Variants in PKHD1 observed in about 807,000 individuals in gnomAD.
PKHD1 encodes the protein PKHD1 ciliary IPT domain containing fibrocystin/polyductin, also known as fibrocystin.
Under a neutral mutation model 412.0 loss-of-function variants are expected in PKHD1, and 291 were observed. The observed-to-expected ratio is 0.71, with a 90% CI of 0.64 to 0.78. The LOEUF (loss-of-function observed/expected upper bound fraction) is 0.78, where lower values mean the gene tolerates loss of function less well. Ranked by LOEUF, PKHD1 falls within the 30% of genes least tolerant of loss-of-function variation. The probability of loss-of-function intolerance (pLI) is 0.00; values close to 1 mark genes in which losing one functional copy is unlikely to be tolerated. For missense variants in PKHD1, 4,825 were observed against 4,950.7 expected, an observed-to-expected ratio of 0.97 and a Z score of 0.76; for synonymous variants, 1,777 against 1,821.5, an observed-to-expected ratio of 0.98 and a Z score of 0.62.
chr6:51,735,801 A>G (rs1783768648), intron 60 of PKHD1, among the ~76,000 whole-genome samples: 1 of 152,000 alleles, frequency 6.6e-6, no homozygotes, highest in Non-Finnish European at 1.5e-5. Flanking sequence ...AGGTGTGGTG[A>G]CATGTGCCTG....
Position 51,828,157 on chromosome 6 carries a change from G to A in PKHD1, c.8302+2704C>T, listed in dbSNP as rs1409539. On this transcript the variant is annotated intron_variant, in intron 52 of 66. Coordinates refer to ENST00000371117, the MANE Select transcript of PKHD1 (RefSeq NM_138694.4). ...TTCAGTATAATATATAGTCTAATTT[G>A]GAGATATCAGAGCAGGTATTGATGG... Among the ~76,000 whole-genome samples the A allele has an allele frequency of 2.8e-3, 425 of 152,098 alleles. 4 individuals carry two copies. The highest frequency in any genetic ancestry group is 9.6e-3 in the African/African-American group (400 of 41,484).
intron 60 of PKHD1, among the ~76,000 whole-genome samples, chr6:51,737,966 C>G (rs1294409957): frequency 6.6e-6 from 1 of 152,068 alleles, no homozygotes; most frequent in Non-Finnish European, 1.5e-5. Flanking sequence ...TAAAAAAATA[C>G]AAATAATCAG....
At chr6:51,753,811 A>G (rs1294970666) in intron 56 of PKHD1, among the ~76,000 whole-genome samples, 2 of 152,196 alleles carry the variant, frequency 1.3e-5, no homozygotes, top group African/African-American at 4.8e-5. Flanking sequence ...GAAAGCGAGA[A>G]GCAGCACCAG....
Position 52,055,721 on chromosome 6 carries a change from C to T in PKHD1, c.1702G>A (p.Val568Ile), listed in dbSNP as rs140256839. Residue 568 changes from valine (V) to isoleucine (I), a missense_variant, in exon 19 of 67, where the codon GTT becomes ATT. Val to Ile is a conservative substitution (Grantham distance 29). Coordinates refer to ENST00000371117, the MANE Select transcript of PKHD1 (RefSeq NM_138694.4). ...GTGAGGTCCCCATCAGAGTTGGAAA[C>T]TTCTGGGCCTGGATGCAGTTCAGAT... ...LRLGFERGPEVSNSDGDLTSG... is the reference protein window; with the variant it reads ...LRLGFERGPEISNSDGDLTSG... 1.2e-6 allele frequency: 2 copies of T among 1,613,898 alleles called. No homozygotes were observed. Among genetic ancestry groups the T allele is most frequent in the East Asian group, 2.2e-5 (1 of 44,878 alleles).
chr6:52,039,376 G>A (rs1344538459), intron 27 of PKHD1, among the ~76,000 whole-genome samples: 1 of 152,192 alleles, frequency 6.6e-6, no homozygotes, highest in Non-Finnish European at 1.5e-5. Context: ...TCTTGTGATA[G>A]TGAGTGAATT....
chr6:51,796,484 G>A (rs1348767464), intron 52 of PKHD1, among the ~76,000 whole-genome samples: 1 of 148,144 alleles, frequency 6.8e-6, no homozygotes, highest in Non-Finnish European at 1.5e-5. Flanking sequence ...GGCTTTTCAT[G>A]TCTCTATGTC....
chr6:52,049,455 A>G (rs931948166), intron 22 of PKHD1, among the ~76,000 whole-genome samples: 2 of 152,238 alleles, frequency 1.3e-5, no homozygotes, highest in Non-Finnish European at 2.9e-5. Flanking sequence ...ATACACATAT[A>G]TACACTGTGA....
chr6:51,939,360 G>A (rs892493701), intron 36 of PKHD1, among the ~76,000 whole-genome samples: 27 of 151,196 alleles, frequency 1.8e-4, no homozygotes, highest in South Asian at 6.2e-4. Flanking sequence ...CCTTCTCTCC[G>A]TGTCTCTACT....
At chr6:51,823,093 CA>C (rs35945486) in intron 52 of PKHD1, among the ~76,000 whole-genome samples, 6,999 of 139,448 alleles carry the variant, frequency 0.05, 196 homozygotes, top group Middle Eastern at 0.1. Flanking sequence ...GCTATAGTAG[CA>C]AAAAAAAAAA....
At chr6:52,070,124 G>A (rs781264007) in intron 10 of PKHD1, among the ~76,000 whole-genome samples, 1 of 152,112 alleles carries the variant, frequency 6.6e-6, no homozygotes, top group Non-Finnish European at 1.5e-5. Flanking sequence ...ACTTGTGACA[G>A]TTTTCAACCT....
Position 52,025,791 on chromosome 6 carries a change from G to C in PKHD1, c.4019C>G (p.Thr1340Arg), listed in dbSNP as rs376567257. The C allele has an allele frequency of 1.1e-5, 17 of 1,614,084 alleles. No homozygotes were observed. In the African/African-American group the frequency reaches 2.0e-4, roughly 19 times the overall value. The part of the protein sequence containing the change: ...LLGNLNCDVE[T>R]QSFQGNVSLS... ...GCTCACGTTGCCCTGGAAGGACTGT[G>C]TCTCAACATCACAGTTCAGGTTCCC... is the stretch of plus-strand genomic sequence containing the variant. Residue 1340 changes from threonine to arginine, a missense_variant, in exon 32 of 67, where the codon ACA (threonine) becomes AGA (arginine). Transcript: ENST00000371117.
intron 46 of PKHD1, among the ~76,000 whole-genome samples, chr6:51,871,400 C>A (rs1353766515): frequency 1.6e-5 from 1 of 64,104 alleles, no homozygotes. Context: ...CAATGGCATT[C>A]AGGAGTGAAG....
Position 51,950,220 on chromosome 6 carries a change from A to AAATATATATAT in PKHD1, c.5908+9649_5908+9650insATATATATATT. ...AATGGGCAATATAGAGAAAAAAAAA[A>AAATATATATAT]ATATATATATATATATATATGAAAT... On this transcript the variant is annotated intron_variant, in intron 36 of 66. Coordinates refer to ENST00000371117, the MANE Select transcript of PKHD1 (RefSeq NM_138694.4). 4.8e-3 allele frequency among the ~76,000 whole-genome samples: 472 copies of AAATATATATAT among 98,280 alleles called. 3 individuals carry two copies. The highest frequency in any genetic ancestry group is 5.4e-3 in the Non-Finnish European group (275 of 51,188). 64.5% of individuals were successfully genotyped at this position (98,280 alleles called of 152,430 possible). A position where few individuals can be genotyped will look rare whatever the true frequency, so the allele number is the denominator to read the frequency against.
chr6:51,905,440 G>C (rs1189284677), intron 41 of PKHD1, among the ~76,000 whole-genome samples: 1 of 152,178 alleles, frequency 6.6e-6, no homozygotes, highest in Non-Finnish European at 1.5e-5. Context: ...GTCTGGGAGA[G>C]AGAATGTTGC....
At chr6:52,006,444 C>A (rs1192652544) in intron 35 of PKHD1, among the ~76,000 whole-genome samples, 1 of 151,882 alleles carries the variant, frequency 6.6e-6, no homozygotes, top group Non-Finnish European at 1.5e-5. Flanking sequence ...TCGCAAAATC[C>A]TGGCTTGCTG....
intron 35 of PKHD1, among the ~76,000 whole-genome samples, chr6:51,994,873 T>C (rs1016972800): frequency 1.3e-5 from 2 of 152,136 alleles, no homozygotes; most frequent in South Asian, 2.1e-4. Flanking sequence ...GTGAGCCATC[T>C]CGCCCAGCCA....
chr6:51,741,479 G>A (rs1449922816), intron 60 of PKHD1, among the ~76,000 whole-genome samples: 1 of 152,038 alleles, frequency 6.6e-6, no homozygotes, highest in Non-Finnish European at 1.5e-5. Flanking sequence ...AAGGGCTGGA[G>A]AGTTAATGTC....
rs943930762 is a variant in PKHD1, at chr6:52,059,934, C to G, written c.1227G>C (p.Arg409Ser). ...ATGAGAAGACAGTGAATACCTTAGT[C>G]CTTGGTTCCTCTGACCAACTGAAAT... ...SLHFSWSEEP[R>S]TKVKVASISV... The change falls in exon 15 of 67, where the codon AGG becomes AGC. Residue 409 changes from arginine (R) to serine (S), a missense_variant. Arg to Ser is a moderately radical substitution (Grantham distance 110). Coordinates refer to ENST00000371117, the MANE Select transcript of PKHD1 (RefSeq NM_138694.4). 1.4e-6 allele frequency: 2 copies of G among 1,471,238 alleles called. No individual in the cohort carries two copies. The highest frequency in any genetic ancestry group is 2.8e-5 in the African/African-American group (2 of 72,360). The allele number at this position is 1,471,238 out of a possible 1,614,324, so 91.1% of individuals were successfully genotyped here.
intron 36 of PKHD1, among the ~76,000 whole-genome samples, chr6:51,938,970 G>A (rs190332581): frequency 1.1e-4 from 17 of 151,516 alleles, no homozygotes; most frequent in South Asian, 4.2e-4. Flanking sequence ...CAGAAGATGC[G>A]TTTTATCCAT....
Sources: allele counts gnomAD v4.1 joint callset (sites outside exome capture counted in the v4.1 genomes callset), GRCh38; gene constraint gnomAD v4.1.1; transcripts MANE v1.5; gene names NCBI Gene and HGNC (gene_info 2026-07-23, HGNC 2026-07-21).